Variants in CA6 observed in about 807,000 individuals in gnomAD.
CA6 encodes the protein carbonic anhydrase 6, also known as carbonate dehydratase VI.
CA6 carries 28 observed loss-of-function variants against 35.9 expected under a neutral mutation model. The ratio of observed to expected loss-of-function variants is 0.78; its 90% CI spans 0.58 to 1.07. CA6 has a LOEUF of 1.07. Ranked by LOEUF, CA6 falls within the 50% of genes least tolerant of loss-of-function variation. CA6 has a pLI of 0.00. For missense variants in CA6, 377 were observed against 382.0 expected (o/e 0.99, Z 0.11); for synonymous variants, 148 against 152.6 (o/e 0.97, Z 0.22).
intron 6 of CA6, among the ~76,000 whole-genome samples, chr1:8,969,043 C>T (rs912604534): frequency 2.0e-4 from 27 of 137,646 alleles, no homozygotes; most frequent in South Asian, 4.7e-4. Context: ...TTGCTGGGCA[C>T]GGTGGCTCAA....
intron 7 of CA6, among the ~76,000 whole-genome samples, chr1:8,973,737 TTTC>T (rs1640175427): frequency 5.2e-5 from 1 of 19,330 alleles, no homozygotes; most frequent in Non-Finnish European, 8.2e-5. Context: ...TCTTTCTTTC[TTTC>T]TTTCTTTCTT....
intron 7 of CA6, among the ~76,000 whole-genome samples, chr1:8,971,958 G>A: frequency 6.6e-6 from 1 of 152,150 alleles, no homozygotes. Flanking sequence ...TGTCTTTACA[G>A]CCCATTCTGT....
intron 2 of CA6, among the ~76,000 whole-genome samples, 166 bp from the exon 3 acceptor site, chr1:8,956,971 C>T (rs1046469360): frequency 6.6e-6 from 1 of 152,198 alleles, no homozygotes; most frequent in Admixed American, 6.5e-5. Flanking sequence ...TGCGCAAACG[C>T]CTCTTCTCCT....
intron 4 of CA6, among the ~76,000 whole-genome samples, chr1:8,960,299 A>C (rs1207745459): frequency 6.6e-6 from 1 of 152,168 alleles, no homozygotes; most frequent in Non-Finnish European, 1.5e-5. Flanking sequence ...AGGAAAAAAT[A>C]ACTCAAAACA....
intron 2 of CA6, among the ~76,000 whole-genome samples, chr1:8,949,720 T>C (rs1053503395): frequency 2.6e-5 from 4 of 152,076 alleles, no homozygotes. Flanking sequence ...ACCCAGCAGG[T>C]GACAGGCAGG....
At chr1:8,960,069 T>C (rs2124167179) in intron 4 of CA6, among the ~76,000 whole-genome samples, 1 of 149,326 alleles carries the variant, frequency 6.7e-6, no homozygotes, top group Middle Eastern at 3.5e-3. Flanking sequence ...CCATCTCTAC[T>C]AAAAATACAA....
intron 2 of CA6, among the ~76,000 whole-genome samples, chr1:8,951,220 GA>G (rs749605213): frequency 0.032 from 1,954 of 61,268 alleles, 57 homozygotes; most frequent in African/African-American, 0.11. Flanking sequence ...CCATCTCAAA[GA>G]AAAAAAAAAA....
chr1:8,952,865 C>T (rs1639576242), intron 2 of CA6, among the ~76,000 whole-genome samples: 1 of 152,070 alleles, frequency 6.6e-6, no homozygotes, highest in African/African-American at 2.4e-5. Context: ...CCATGTTGGC[C>T]AGGCTGGTCT....
chr1:8,953,488 TCAAA>T (rs1230354596), intron 2 of CA6, among the ~76,000 whole-genome samples: 2 of 152,096 alleles, frequency 1.3e-5, no homozygotes, highest in Non-Finnish European at 2.9e-5. Context: ...GCATGGTGGC[TCAAA>T]CATACAGTCC....
rs1226413321 is a variant in CA6 at position 8,957,178 on chromosome 1, G to A, written c.301G>A (p.Asp101Asn). 4 of 1,613,614 alleles carry A rather than the reference G, an allele frequency of 2.5e-6. No individual in the cohort carries two copies. The highest frequency in any genetic ancestry group is 3.4e-6 in the Non-Finnish European group (4 of 1,179,788). Residue 101 changes from aspartate (D) to asparagine (N), a missense_variant, in exon 3 of 8, where the codon GAC (aspartate) becomes AAC (asparagine). Physicochemically the swap from Asp to Asn is conservative, Grantham distance 23 (BLOSUM62 1). Coordinates refer to ENST00000377443, the MANE Select transcript of CA6 (RefSeq NM_001215.4). Reference sequence around the variant, plus strand: ...CTCCACCATGCGCATGACAGTGGCTGACGGCACTGTATACATAGCCCAGCA... The same window carrying A: ...CTCCACCATGCGCATGACAGTGGCTAACGGCACTGTATACATAGCCCAGCA... ...LPSTMRMTVA[D>N]GTVYIAQQMH... is the part of the protein sequence containing the mutation.
In CA6 at chr1:8,974,690, A is replaced by G. The variant is rs745918744; in HGVS notation, c.913A>G (p.Arg305Gly). ...TGAGGAAATTCTTGACTACTTAAGA[A>G]GAGCATTGAACTGAGGAAAGCTAAG... ...KIEEILDYLRRALN is the reference protein window; with the variant it reads ...KIEEILDYLRGALN The change falls in exon 8 of 8, where the codon AGA (arginine) becomes GGA (glycine). Residue 305 changes from arginine (R) to glycine (G), a missense_variant. Physicochemically the swap from Arg to Gly is moderately radical, Grantham distance 125. Transcript: ENST00000377443. The G allele has an allele frequency of 1.7e-5, 28 of 1,601,466 alleles. No individual in the cohort carries two copies. The highest frequency in any genetic ancestry group is 1.7e-4 in the Middle Eastern group (1 of 6,050).
chr1:8,951,477 C>T (rs763971774), intron 2 of CA6: 10 of 764,858 alleles, frequency 1.3e-5, no homozygotes, highest in Admixed American at 3.4e-5. Flanking sequence ...GGAGAAGGGG[C>T]GAAGCACAAA....
chr1:8,956,458 G>A (rs1557624416), intron 2 of CA6, among the ~76,000 whole-genome samples: 1 of 151,946 alleles, frequency 6.6e-6, no homozygotes, highest in South Asian at 2.1e-4. Flanking sequence ...TCAGGAGTTC[G>A]AGACCAGCGT....
intron 5 of CA6, among the ~76,000 whole-genome samples, chr1:8,965,957 C>A (rs1474694335): frequency 6.6e-6 from 1 of 151,612 alleles, no homozygotes; most frequent in Non-Finnish European, 1.5e-5. Flanking sequence ...CATTTATCTA[C>A]TGGTGAACAT....
chr1:8,972,690 C>G (rs1354631256), intron 7 of CA6, among the ~76,000 whole-genome samples: 1 of 151,820 alleles, frequency 6.6e-6, no homozygotes, highest in African/African-American at 2.4e-5. Flanking sequence ...TTCAAAAAAC[C>G]AAAACAAACA....
chr1:8,960,481 T>C lies in CA6; in HGVS notation c.501+1479T>C, dbSNP rs377119291. ...GAATTGAAGGAAAATATGATGACAATGACTCAAAAAAGGAATCTCAATGGA... is the reference window on the plus strand; with the variant it reads ...GAATTGAAGGAAAATATGATGACAACGACTCAAAAAAGGAATCTCAATGGA... On this transcript the variant is annotated intron_variant, in intron 4 of 7. Coordinates refer to ENST00000377443, the MANE Select transcript of CA6 (RefSeq NM_001215.4). Among the ~76,000 whole-genome samples the C allele has an allele frequency of 2.7e-5, 4 of 149,552 alleles. No homozygotes were observed. The South Asian group carries it at 8.4e-4, about 31-fold the overall frequency.
chr1:8,953,623 ATCAATCAATCAATCAG>A (rs1639597529), intron 2 of CA6, among the ~76,000 whole-genome samples: 2 of 129,838 alleles, frequency 1.5e-5, no homozygotes, highest in South Asian at 2.5e-4. Flanking sequence ...CCTTCTCTCA[ATCAATCAATCAATCAG>A]TCAATCAATC....
In CA6 at chr1:8,958,328, C is replaced by T. The variant is rs560904902; in HGVS notation, c.409-582C>T. ...GATTACAGGCACCTGCCACCATGGC[C>T]GGCTAATTTTTGTACTTTTAGTAGA... On this transcript the variant is annotated intron_variant, in intron 3 of 7. Transcript: ENST00000377443. Among the ~76,000 whole-genome samples, 118 of 151,846 alleles carry T rather than the reference C, an allele frequency of 7.8e-4. 1 individual carries two copies. Among genetic ancestry groups the T allele is most frequent in the African/African-American group, 2.3e-3 (97 of 41,378 alleles).
At chr1:8,957,529 C>T (rs1017242664) in intron 3 of CA6, among the ~76,000 whole-genome samples, 37 of 152,042 alleles carry the variant, frequency 2.4e-4, no homozygotes, top group African/African-American at 8.0e-4. Context: ...TTAGTAGAGA[C>T]GGGATTTCAC....
Sources: allele counts gnomAD v4.1 joint callset (sites outside exome capture counted in the v4.1 genomes callset), GRCh38; gene constraint gnomAD v4.1.1; transcripts MANE v1.5; gene names NCBI Gene and HGNC (gene_info 2026-07-23, HGNC 2026-07-21).